The following CEP112 variants were observed in gnomAD, a reference collection of about 807,000 sequenced individuals.
CEP112 encodes the protein centrosomal protein 112.
A neutral mutation model predicts 153.0 loss-of-function variants in CEP112; 127 were observed. The observed-to-expected ratio is 0.83, with a 90% CI of 0.72 to 0.96. The LOEUF (loss-of-function observed/expected upper bound fraction) is 0.96. CEP112 is among the 40% of genes least tolerant of loss of function. The pLI, the probability that CEP112 is intolerant of heterozygous loss-of-function variation, is 0.00. For synonymous variants in CEP112, 358 were observed against 374.4 expected (o/e 0.96, Z 0.51); for missense variants, 1,089 against 1,101.2 (o/e 0.99, Z 0.16).
intron 8 of CEP112, among the ~76,000 whole-genome samples, chr17:66,082,201 A>G (rs1347098980): frequency 6.6e-6 from 1 of 152,160 alleles, no homozygotes; most frequent in African/African-American, 2.4e-5. Context: ...TCCAAATGTC[A>G]TAATGTCAAA....
intron 21 of CEP112, among the ~76,000 whole-genome samples, chr17:65,764,183 C>T (rs570789955): frequency 6.6e-6 from 1 of 152,192 alleles, no homozygotes; most frequent in Admixed American, 6.5e-5. Context: ...TGGTTAGGCT[C>T]TGAAAAATCC....
chr17:66,118,200 T>C (rs1346607901), intron 6 of CEP112, among the ~76,000 whole-genome samples: 1 of 152,190 alleles, frequency 6.6e-6, no homozygotes, highest in African/African-American at 2.4e-5. Context: ...ATGGAAGAGA[T>C]ATCTAATAGT....
chr17:65,936,837 C>G (rs2061327296), intron 18 of CEP112, among the ~76,000 whole-genome samples: 1 of 115,018 alleles, frequency 8.7e-6, no homozygotes, highest in African/African-American at 3.0e-5. Context: ...CCCTCTCCCT[C>G]TCTTTCCACG....
intron 24 of CEP112, among the ~76,000 whole-genome samples, chr17:65,673,603 T>A (rs2047087353): frequency 6.6e-6 from 1 of 152,074 alleles, no homozygotes; most frequent in Non-Finnish European, 1.5e-5. Context: ...ATATCCCACA[T>A]AACATAACAA....
At chr17:66,127,610 T>C (rs1051277313) in intron 6 of CEP112, among the ~76,000 whole-genome samples, 2 of 152,056 alleles carry the variant, frequency 1.3e-5, no homozygotes, top group Non-Finnish European at 2.9e-5. Flanking sequence ...CATCCTCCCT[T>C]ACTCTGCTCT....
At chr17:66,167,572 C>T (rs769968270) in intron 4 of CEP112, among the ~76,000 whole-genome samples, 3 of 152,134 alleles carry the variant, frequency 2.0e-5, no homozygotes, top group Non-Finnish European at 4.4e-5. Flanking sequence ...TTCAGCTCAA[C>T]CTAGAAATAA....
At chr17:66,135,028 A>T (rs2070373518) in intron 4 of CEP112, among the ~76,000 whole-genome samples, 1 of 152,184 alleles carries the variant, frequency 6.6e-6, no homozygotes, top group African/African-American at 2.4e-5. Context: ...TTTGCTTACA[A>T]AATCTACATC....
chr17:65,691,854 A>T (rs1201145747), intron 23 of CEP112, among the ~76,000 whole-genome samples: 1 of 152,144 alleles, frequency 6.6e-6, no homozygotes, highest in African/African-American at 2.4e-5. Context: ...CCATCCTCAC[A>T]CCACTGTCAG....
At chr17:66,102,796 CAAA>C (rs11416184) in intron 6 of CEP112, among the ~76,000 whole-genome samples, 4 of 99,634 alleles carry the variant, frequency 4.0e-5, no homozygotes, top group Admixed American at 1.2e-4. Context: ...GACTCCATCT[CAAA>C]AAAAAAAAAA....
At chr17:66,110,227 G>C (rs762767467) in intron 6 of CEP112, among the ~76,000 whole-genome samples, 2 of 152,052 alleles carry the variant, frequency 1.3e-5, no homozygotes, top group Non-Finnish European at 2.9e-5. Context: ...AGCTACTCGG[G>C]AGGCTAAGGC....
chr17:65,937,534 T>C (rs1451376704), intron 18 of CEP112, among the ~76,000 whole-genome samples: 69 of 103,848 alleles, frequency 6.6e-4, no homozygotes, highest in East Asian at 3.3e-3. Context: ...GGAGCCCCTC[T>C]GCCCGGCCAG....
intron 20 of CEP112, among the ~76,000 whole-genome samples, chr17:65,874,207 GT>G (rs2058750394): frequency 6.6e-6 from 1 of 152,050 alleles, no homozygotes; most frequent in African/African-American, 2.4e-5. Flanking sequence ...ATCTGCTTTA[GT>G]TCACAAATCT....
chr17:65,948,615 G>A (rs192996426), intron 18 of CEP112, among the ~76,000 whole-genome samples: 14 of 151,346 alleles, frequency 9.3e-5, no homozygotes, highest in East Asian at 7.7e-4. Context: ...TAATTCTAAC[G>A]ATAATGCATT....
intron 11 of CEP112, among the ~76,000 whole-genome samples, chr17:66,058,467 A>G (rs1243058929): frequency 6.7e-6 from 1 of 148,540 alleles, no homozygotes; most frequent in Non-Finnish European, 1.5e-5. Flanking sequence ...CTATCAAATT[A>G]CCAATGTCAT....
intron 21 of CEP112, among the ~76,000 whole-genome samples, chr17:65,783,003 G>A (rs574831790): frequency 3.0e-4 from 45 of 150,768 alleles, no homozygotes; most frequent in Non-Finnish European, 5.2e-4. Context: ...AATTGAAAAA[G>A]AAATATAAGA....
At chr17:65,782,591 G>C (rs1162548559) in intron 21 of CEP112, among the ~76,000 whole-genome samples, 1 of 152,268 alleles carries the variant, frequency 6.6e-6, no homozygotes, top group East Asian at 1.9e-4. Context: ...AATCAACCTA[G>C]GTGCCCATCA....
intron 20 of CEP112, among the ~76,000 whole-genome samples, chr17:65,862,491 G>A (rs2058342460): frequency 6.6e-6 from 1 of 152,152 alleles, no homozygotes; most frequent in Admixed American, 6.5e-5. Context: ...AGGAGGCTGA[G>A]GCAGGAGAAT....
chr17:66,077,995 T>C (rs1275509076), intron 8 of CEP112, among the ~76,000 whole-genome samples: 1 of 152,234 alleles, frequency 6.6e-6, no homozygotes, highest in Admixed American at 6.5e-5. Context: ...AGAATTTTTA[T>C]AGTTTCAGTT....
At chr17:65,762,581 T>C (rs960458562) in intron 21 of CEP112, among the ~76,000 whole-genome samples, 26 of 152,002 alleles carry the variant, frequency 1.7e-4, no homozygotes, top group African/African-American at 6.0e-4. Flanking sequence ...CTCTCCATGC[T>C]TCTTTTTTAA....
Sources: gnomAD v4.1 joint callset for allele counts (sites outside exome capture counted in the v4.1 genomes callset) on GRCh38, gnomAD v4.1.1 for gene constraint, MANE v1.5 for transcripts, NCBI Gene and HGNC (gene_info 2026-07-23, HGNC 2026-07-21) for gene names.